The following KCNT2 variants were observed in gnomAD, a reference collection of about 807,000 sequenced individuals.
KCNT2 encodes potassium sodium-activated channel subfamily T member 2, also known as potassium channel subfamily T member 2.
A neutral mutation model predicts 153.8 loss-of-function variants in KCNT2; 67 were observed. That is an observed-to-expected ratio of 0.44 (90% CI 0.36 to 0.53). KCNT2 has a LOEUF of 0.53. Among genes scored for constraint, KCNT2 ranks in the 20% least tolerant of loss-of-function variants. The pLI, the probability that KCNT2 is intolerant of heterozygous loss-of-function variation, is 0.00. For missense variants in KCNT2, 975 were observed against 1,354.8 expected, an observed-to-expected ratio of 0.72 and a Z score of 4.40; for synonymous variants, 500 against 458.8, an observed-to-expected ratio of 1.09 and a Z score of -1.15.
rs747266595 is a variant in KCNT2, at chr1:196,344,205, T to C, written c.1404-1977A>G. Reference sequence around the variant, plus strand: ...ACACAAAGAAATCACTTGGGAGATGTTGGGATCAGAGAAAACACGCAGTAA... The same window carrying C: ...ACACAAAGAAATCACTTGGGAGATGCTGGGATCAGAGAAAACACGCAGTAA... On this transcript the variant is annotated intron_variant, in intron 14 of 27. Coordinates refer to ENST00000294725, the MANE Select transcript of KCNT2 (RefSeq NM_198503.5). Among the ~76,000 whole-genome samples, 26 of 152,192 alleles carry C rather than the reference T, an allele frequency of 1.7e-4. 1 individual carries two copies. The highest frequency in any genetic ancestry group is 5.2e-4 in the Admixed American group (8 of 15,274).
At chr1:196,290,185 C>T (rs1174475849) in intron 22 of KCNT2, among the ~76,000 whole-genome samples, 1 of 152,012 alleles carries the variant, frequency 6.6e-6, no homozygotes, top group East Asian at 1.9e-4. Flanking sequence ...ATTCTTTCCT[C>T]TGGACCCAAT....
intron 14 of KCNT2, among the ~76,000 whole-genome samples, chr1:196,372,054 G>T (rs1051026501): frequency 2.0e-5 from 3 of 152,026 alleles, no homozygotes; most frequent in Admixed American, 2.0e-4. Context: ...CTGCAAAGAA[G>T]ATAAACGTCA....
rs985799130 is a variant in KCNT2, at chr1:196,527,030, G to A, written c.96-34689C>T. ...ACTCTATTGTGAACTGTGCATGTAA[G>A]GGATCTATGTGGTGTGCTCCTTATG... On this transcript the variant is annotated intron_variant, in intron 1 of 27. Transcript: ENST00000294725. 3.9e-5 allele frequency among the ~76,000 whole-genome samples: 6 copies of A among 152,212 alleles called. No homozygotes were observed. In the East Asian group the frequency reaches 9.7e-4, roughly 25 times the overall value.
chr1:196,303,186 C>T (rs1307347063), intron 22 of KCNT2, among the ~76,000 whole-genome samples: 6 of 152,078 alleles, frequency 3.9e-5, no homozygotes, highest in Non-Finnish European at 8.8e-5. Flanking sequence ...AAACCTCTAG[C>T]CAGTTTTGCA....
At position 196,334,034 on chromosome 1, in the gene KCNT2, T is replaced by C. The variant is rs1340773732; in HGVS notation, c.1810A>G (p.Thr604Ala). The change falls in exon 17 of 28, where the codon ACA becomes GCA. Residue 604 changes from threonine to alanine, a missense_variant. Transcript: ENST00000294725. ...GGGCCACTTGCTGATCTACAGCTTGTATCTTGCAAGTCTATAGCCACAGTA... is the reference window on the plus strand; with the variant it reads ...GGGCCACTTGCTGATCTACAGCTTGCATCTTGCAAGTCTATAGCCACAGTA... The part of the protein sequence containing the change: ...MGTVAIDLQD[T>A]SCRSASGPTL... 6.2e-7 allele frequency: 1 copy of C among 1,613,186 alleles called. No individual in the cohort carries two copies. The highest frequency in any genetic ancestry group is 8.5e-7 in the Non-Finnish European group (1 of 1,179,516).
chr1:196,375,244 C>T (rs549934688), intron 13 of KCNT2, among the ~76,000 whole-genome samples: 14 of 151,442 alleles, frequency 9.2e-5, no homozygotes, highest in Non-Finnish European at 1.3e-4. Flanking sequence ...TCCTACATTT[C>T]GATAGTCATT....
chr1:196,265,597 G>C (rs1031312499), intron 25 of KCNT2, among the ~76,000 whole-genome samples: 1 of 152,128 alleles, frequency 6.6e-6, no homozygotes, highest in Non-Finnish European at 1.5e-5. Context: ...GTGTGTCCTA[G>C]GAAAAATACC....
intron 11 of KCNT2, among the ~76,000 whole-genome samples, chr1:196,424,507 G>A (rs1319189209): frequency 2.0e-5 from 3 of 151,654 alleles, no homozygotes; most frequent in African/African-American, 4.8e-5. Context: ...CTAAAGCCAG[G>A]GTTTACCTGA....
chr1:196,261,851 T>C (rs533326621), intron 25 of KCNT2, among the ~76,000 whole-genome samples: 19 of 151,980 alleles, frequency 1.3e-4, no homozygotes, highest in African/African-American at 4.3e-4. Flanking sequence ...AATCAAAATT[T>C]AATACTAATG....
chr1:196,538,465 C>G (rs1655903763), intron 1 of KCNT2, among the ~76,000 whole-genome samples: 1 of 152,190 alleles, frequency 6.6e-6, no homozygotes, highest in Non-Finnish European at 1.5e-5. Context: ...TTTACTCTCT[C>G]TGTGTGTGAA....
chr1:196,550,657 G>C (rs1249136516), intron 1 of KCNT2, among the ~76,000 whole-genome samples: 6 of 151,724 alleles, frequency 4.0e-5, no homozygotes, highest in Non-Finnish European at 8.8e-5. Context: ...ACTTGCAGAG[G>C]TTCTAAAATA....
intron 26 of KCNT2, among the ~76,000 whole-genome samples, chr1:196,256,605 ATAAT>A (rs200770147): frequency 0.048 from 7,326 of 151,660 alleles, 269 homozygotes; most frequent in Non-Finnish European, 0.071. Flanking sequence ...TATTTGAGAT[ATAAT>A]TATTTTTCTT....
chr1:196,444,955 T>C (rs1381295358), intron 8 of KCNT2, among the ~76,000 whole-genome samples: 2 of 151,412 alleles, frequency 1.3e-5, no homozygotes, highest in African/African-American at 4.8e-5. Flanking sequence ...GAGCAAATAA[T>C]AGATACAGAA....
At chr1:196,415,291 G>C (rs1251121693) in intron 12 of KCNT2, among the ~76,000 whole-genome samples, 1 of 151,810 alleles carries the variant, frequency 6.6e-6, no homozygotes, top group African/African-American at 2.4e-5. Context: ...GGAGGAGGAG[G>C]AGTGTCCTTT....
At chr1:196,363,997 A>C (rs1338143918) in intron 14 of KCNT2, among the ~76,000 whole-genome samples, 1 of 152,130 alleles carries the variant, frequency 6.6e-6, no homozygotes, top group African/African-American at 2.4e-5. Flanking sequence ...TCTCATCCAC[A>C]AGAACTGTCA....
chr1:196,545,698 G>A (rs941733292), intron 1 of KCNT2, among the ~76,000 whole-genome samples: 2 of 151,852 alleles, frequency 1.3e-5, no homozygotes, highest in East Asian at 1.9e-4. Context: ...GCACCCATTT[G>A]CCCAGTGAGC....
intron 22 of KCNT2, among the ~76,000 whole-genome samples, chr1:196,301,232 A>G (rs1305809785): frequency 6.6e-6 from 1 of 152,114 alleles, no homozygotes; most frequent in Non-Finnish European, 1.5e-5. Flanking sequence ...ATCATTTACT[A>G]TGTGTCCCCC....
intron 27 of KCNT2, among the ~76,000 whole-genome samples, chr1:196,229,242 TC>T (rs1343853035): frequency 6.6e-6 from 1 of 152,054 alleles, no homozygotes; most frequent in African/African-American, 2.4e-5. Context: ...TCACTTAGGG[TC>T]TCTGTGTCAG....
At chr1:196,238,370 T>C (rs1300018746) in intron 26 of KCNT2, among the ~76,000 whole-genome samples, 2 of 151,952 alleles carry the variant, frequency 1.3e-5, no homozygotes, top group Non-Finnish European at 2.9e-5. Flanking sequence ...CTACTGAAGA[T>C]ATTTATTTTC....
Sources: allele counts gnomAD v4.1 joint callset (sites outside exome capture counted in the v4.1 genomes callset), GRCh38; gene constraint gnomAD v4.1.1; transcripts MANE v1.5; gene names NCBI Gene and HGNC (gene_info 2026-07-23, HGNC 2026-07-21).